MCTP2: variants seen among roughly 807,000 people sequenced by gnomAD.
MCTP2 encodes multiple C2 and transmembrane domain-containing protein 2.
MCTP2 carries 132 observed loss-of-function variants against 111.6 expected under a neutral mutation model. The ratio of observed to expected loss-of-function variants is 1.18; its 90% confidence interval spans 1.03 to 1.37. The LOEUF (loss-of-function observed/expected upper bound fraction) is 1.37. MCTP2 is among the 40% of genes most tolerant of loss of function. The pLI is 0.00. For synonymous variants in MCTP2, 395 were observed against 387.7 expected (o/e 1.02, Z -0.22); for missense variants, 1,183 against 1,067.9 (o/e 1.11, Z -1.50).
At chr15:94,450,890 T>C (rs2084401855) in intron 19 of MCTP2, among the ~76,000 whole-genome samples, 1 of 152,204 alleles carries the variant, frequency 6.6e-6, no homozygotes, top group Non-Finnish European at 1.5e-5. Context: ...TAGGAGAGAT[T>C]TAAAGTAACA....
chr15:94,354,835 G>C (rs776179850), intron 8 of MCTP2, among the ~76,000 whole-genome samples: 4 of 152,148 alleles, frequency 2.6e-5, no homozygotes, highest in African/African-American at 7.2e-5. Flanking sequence ...CATTTGTTGT[G>C]ATAAATTGTG....
At chr15:94,335,605 A>T (rs1045129389) in intron 4 of MCTP2, among the ~76,000 whole-genome samples, 1 of 152,236 alleles carries the variant, frequency 6.6e-6, no homozygotes, top group Non-Finnish European at 1.5e-5. Context: ...TCCTCTGCAT[A>T]TAATCACTTA....
At chr15:94,269,346 C>G (rs2073781504) in intron 1 of MCTP2, among the ~76,000 whole-genome samples, 1 of 152,150 alleles carries the variant, frequency 6.6e-6, no homozygotes, top group African/African-American at 2.4e-5. Context: ...TCAAATTCTT[C>G]TAATATTCAG....
intron 2 of MCTP2, among the ~76,000 whole-genome samples, chr15:94,305,549 A>G (rs775099005): frequency 3.9e-5 from 6 of 152,196 alleles, no homozygotes; most frequent in Admixed American, 6.5e-5. Flanking sequence ...GTATACACAC[A>G]TAGCTGTTTA....
chr15:94,332,470 T>G (rs531841512), intron 4 of MCTP2, among the ~76,000 whole-genome samples: 1 of 152,210 alleles, frequency 6.6e-6, no homozygotes, highest in Non-Finnish European at 1.5e-5. Flanking sequence ...TATATACGTT[T>G]TATATGTTTC....
chr15:94,240,821 C>G (rs2070893553), intron 1 of MCTP2, among the ~76,000 whole-genome samples: 1 of 152,126 alleles, frequency 6.6e-6, no homozygotes, highest in Non-Finnish European at 1.5e-5. Context: ...ACACTTAATT[C>G]CTAAGTGTTC....
chr15:94,409,716 T>C (rs2082067232), intron 17 of MCTP2, among the ~76,000 whole-genome samples: 1 of 151,892 alleles, frequency 6.6e-6, no homozygotes, highest in South Asian at 2.1e-4. Context: ...TCTTTCCTCC[T>C]CTCTCTTCCC....
Position 94,298,486 on chromosome 15 carries a change from C to T in MCTP2, c.221C>T (p.Ser74Phe). The T allele has an allele frequency of 1.2e-6, 2 of 1,614,100 alleles. No individual in the cohort carries two copies. The highest frequency in any genetic ancestry group is 2.2e-5 in the East Asian group (1 of 44,870). Residue 74 changes from serine to phenylalanine, a missense_variant, in exon 2 of 23, where the codon TCC becomes TTC. By Grantham distance (155) the Ser-to-Phe change is radical. Transcript: ENST00000357742. ...EGRPYSGPQS[S>F]YTSVPSSLST... ...CGGCCTTACTCCGGGCCACAGTCTT[C>T]CTACACCTCGGTGCCCAGCAGTCTG...
rs527495756 is a variant in MCTP2 at position 94,328,537 on chromosome 15, C to T, written c.638-10753C>T. Among the ~76,000 whole-genome samples, 7 of 152,258 alleles carry T rather than the reference C, an allele frequency of 4.6e-5. No homozygotes were observed. In the South Asian group the frequency reaches 6.2e-4, roughly 14 times the overall value. ...GTTGGTAAGAGATATTCTGCCTGTG[C>T]GCACGTTGATGTGTGTTGTGTATTC... On this transcript the variant is annotated intron_variant, in intron 4 of 22. Transcript: ENST00000357742.
At chr15:94,244,780 A>G (rs1291385851) in intron 1 of MCTP2, among the ~76,000 whole-genome samples, 1 of 149,112 alleles carries the variant, frequency 6.7e-6, no homozygotes, top group Non-Finnish European at 1.5e-5. Context: ...ATATGTATAC[A>G]CATACATATG....
rs572386270 is a variant in MCTP2 at position 94,334,170 on chromosome 15, T to C, written c.638-5120T>C. Among the ~76,000 whole-genome samples, 444 of 152,352 alleles carry C rather than the reference T, an allele frequency of 2.9e-3. 1 individual carries two copies. Among genetic ancestry groups the C allele is most frequent in the Non-Finnish European group, 4.9e-3 (331 of 68,032 alleles). ...AGCAAATGACCGAAGCCTGCTATCA[T>C]TGAAGTATATTGGATCATTCAGTTC... On this transcript the variant is annotated intron_variant, in intron 4 of 22. Transcript: ENST00000357742.
In MCTP2 at chr15:94,248,842, C is replaced by A. The variant is rs183475218; in HGVS notation, c.-66+17178C>A. On this transcript the variant is annotated intron_variant, in intron 1 of 22. Coordinates refer to ENST00000357742, the MANE Select transcript of MCTP2 (RefSeq NM_001385001.1). ...GTGGAAACTTACCCAGTGGTGTAAA[C>A]CCTGCCACGGTGGCTTACACAGGTT... Among the ~76,000 whole-genome samples the A allele has an allele frequency of 2.0e-5, 3 of 152,310 alleles. No homozygotes were observed. In the East Asian group the frequency reaches 5.8e-4, roughly 29 times the overall value.
intron 15 of MCTP2, among the ~76,000 whole-genome samples, chr15:94,399,339 A>G (rs2081439413): frequency 6.6e-6 from 1 of 152,206 alleles, no homozygotes; most frequent in Admixed American, 6.5e-5. Context: ...CGGTTAAGGA[A>G]TTTTACAGTT....
chr15:94,247,308 C>G (rs1179937004), intron 1 of MCTP2, among the ~76,000 whole-genome samples: 2 of 152,096 alleles, frequency 1.3e-5, no homozygotes, highest in African/African-American at 2.4e-5. Flanking sequence ...TTCTTAGTCC[C>G]CAACATGCTG....
At chr15:94,382,634 G>A (rs775953052) in intron 12 of MCTP2, among the ~76,000 whole-genome samples, 4 of 152,248 alleles carry the variant, frequency 2.6e-5, no homozygotes, top group African/African-American at 9.6e-5. Context: ...ACCTCAGAGC[G>A]CCTGGTTATT....
chr15:94,476,654 A>G (rs776128649), intron 21 of MCTP2, 42 bp from the exon 22 acceptor site: 1 of 985,598 alleles, frequency 1.0e-6, no homozygotes, highest in South Asian at 1.3e-5. Flanking sequence ...ATAGATAGAC[A>G]GACAGACAGA....
intron 14 of MCTP2, among the ~76,000 whole-genome samples, chr15:94,393,942 C>G (rs897522489): frequency 8.1e-5 from 12 of 148,150 alleles, no homozygotes; most frequent in African/African-American, 3.0e-4. Flanking sequence ...CCCAGCTACT[C>G]AGGAGGCTGA....
intron 18 of MCTP2, 142 bp from the exon 19 acceptor site, chr15:94,442,777 A>T (rs2083854774): frequency 1.5e-6 from 1 of 668,528 alleles, no homozygotes; most frequent in South Asian, 1.8e-5. Context: ...ACTTTAAAAG[A>T]GTTATTGTTT....
At chr15:94,476,486 G>C (rs2074360162) in intron 21 of MCTP2, 1 of 409,490 alleles carries the variant, frequency 2.4e-6, no homozygotes, top group African/African-American at 2.1e-5. Flanking sequence ...ACAGCAACAT[G>C]TGCTTGACTT....
Sources: allele counts gnomAD v4.1 joint callset (sites outside exome capture counted in the v4.1 genomes callset), GRCh38; gene constraint gnomAD v4.1.1; transcripts MANE v1.5; gene names NCBI Gene and HGNC (gene_info 2026-07-23, HGNC 2026-07-21).